The following STK17A variants were observed in gnomAD, a reference collection of about 807,000 sequenced individuals.
STK17A encodes the protein serine/threonine kinase 17a.
Under a neutral mutation model 43.7 loss-of-function variants are expected in STK17A, and 26 were observed. The ratio of observed to expected loss-of-function variants is 0.60; its 90% CI spans 0.44 to 0.83. The LOEUF (loss-of-function observed/expected upper bound fraction) is 0.83. Ranked by LOEUF, STK17A falls within the 40% of genes least tolerant of loss-of-function variation. The pLI is 0.00. For missense variants in STK17A, 476 were observed against 511.6 expected (o/e 0.93, Z 0.67); for synonymous variants, 191 against 182.5 (o/e 1.05, Z -0.38).
intron 4 of STK17A, chr7:43,622,800 A>C (rs1323789888): frequency 1.3e-5 from 2 of 151,972 alleles, no homozygotes; most frequent in East Asian, 3.9e-4. Flanking sequence ...TCCCAGACTC[A>C]AGTGATCCTC....
intron 2 of STK17A, 101 bp from the exon 3 acceptor site, chr7:43,608,155 A>T: frequency 8.6e-7 from 1 of 1,159,898 alleles, no homozygotes. Flanking sequence ...AAAAAGGTAT[A>T]CAGTTACTGC....
intron 4 of STK17A, among the ~76,000 whole-genome samples, chr7:43,621,690 ATTTG>A (rs1197362051): frequency 6.6e-6 from 1 of 152,018 alleles, no homozygotes; most frequent in Non-Finnish European, 1.5e-5. Flanking sequence ...CAGGCTAGTG[ATTTG>A]TTTTAGAGCT....
At chr7:43,616,722 C>T (rs996614196) in intron 3 of STK17A, among the ~76,000 whole-genome samples, 2 of 152,096 alleles carry the variant, frequency 1.3e-5, no homozygotes, top group African/African-American at 4.8e-5. Context: ...ACGGTGAAAC[C>T]CCGTCTCTAC....
At chr7:43,598,461 C>T (rs2082534840) in intron 2 of STK17A, among the ~76,000 whole-genome samples, 1 of 138,468 alleles carries the variant, frequency 7.2e-6, no homozygotes, top group Non-Finnish European at 1.6e-5. Flanking sequence ...CACAGCAAGA[C>T]TCCGTCTCAA....
intron 2 of STK17A, among the ~76,000 whole-genome samples, chr7:43,603,513 T>G (rs569584077): frequency 6.6e-6 from 1 of 152,178 alleles, no homozygotes. Context: ...GAAATAGATA[T>G]GGAGGTTGAA....
intron 2 of STK17A, among the ~76,000 whole-genome samples, chr7:43,598,374 G>A (rs538194587): frequency 6.0e-5 from 9 of 151,094 alleles, no homozygotes; most frequent in Admixed American, 1.3e-4. Context: ...GGAGGCTGAC[G>A]CAGGAGAATG....
chr7:43,593,385 A>C (rs2082492727), intron 1 of STK17A, among the ~76,000 whole-genome samples: 1 of 152,180 alleles, frequency 6.6e-6, no homozygotes, highest in Admixed American at 6.5e-5. Context: ...TCATACAATA[A>C]TTTCTTTTCC....
intron 3 of STK17A, chr7:43,609,015 G>C (rs2082658283): frequency 6.6e-6 from 1 of 152,302 alleles, no homozygotes; most frequent in Non-Finnish European, 1.5e-5. Context: ...CAGTATATCA[G>C]TTATGTTCCT....
intron 2 of STK17A, among the ~76,000 whole-genome samples, chr7:43,602,850 G>A (rs1045120801): frequency 1.3e-5 from 2 of 152,078 alleles, no homozygotes; most frequent in Admixed American, 6.6e-5. Flanking sequence ...GCGTATTCCT[G>A]TGTCCAACTG....
At chr7:43,596,238 C>T in intron 2 of STK17A, 125 bp downstream of exon 2, 1 of 797,788 alleles carries the variant, frequency 1.3e-6, no homozygotes, top group Non-Finnish European at 1.8e-6. Context: ...TCTAGATCAT[C>T]TTCAGGTGTT....
intron 1 of STK17A, among the ~76,000 whole-genome samples, chr7:43,594,812 G>A (rs576200009): frequency 3.4e-5 from 5 of 149,158 alleles, no homozygotes; most frequent in Non-Finnish European, 7.4e-5. Flanking sequence ...TTTAATCCTA[G>A]CAGGATCACT....
At chr7:43,620,698 A>C (rs763997900) in intron 4 of STK17A, among the ~76,000 whole-genome samples, 7 of 152,014 alleles carry the variant, frequency 4.6e-5, no homozygotes, top group Non-Finnish European at 1.0e-4. Context: ...GAATATTAAT[A>C]TTTAAAATTT....
intron 3 of STK17A, among the ~76,000 whole-genome samples, chr7:43,618,512 G>A (rs2083556305): frequency 6.6e-6 from 1 of 152,182 alleles, no homozygotes; most frequent in Non-Finnish European, 1.5e-5. Context: ...GGGTGTTAGA[G>A]TGAAGTATTT....
intron 1 of STK17A, among the ~76,000 whole-genome samples, chr7:43,590,142 C>T (rs1006001784): frequency 8.0e-5 from 12 of 150,766 alleles, no homozygotes; most frequent in African/African-American, 2.2e-4. Flanking sequence ...GACAAGATTT[C>T]GCCACGTTGC....
At chr7:43,620,683 A>AAT (rs1385833516) in intron 4 of STK17A, among the ~76,000 whole-genome samples, 1 of 151,984 alleles carries the variant, frequency 6.6e-6, no homozygotes, top group African/African-American at 2.4e-5. Context: ...CAAAAAAAAA[A>AAT]AAAAGAATAT....
At chr7:43,598,237 G>C (rs1390950999) in intron 2 of STK17A, among the ~76,000 whole-genome samples, 1 of 152,054 alleles carries the variant, frequency 6.6e-6, no homozygotes, top group Admixed American at 6.6e-5. Flanking sequence ...ATGGGAGGCC[G>C]AGGCAGGTGG....
At chr7:43,608,223 GTT>G in intron 2 of STK17A, 31 bp from the exon 3 acceptor site, 1 of 1,592,864 alleles carries the variant, frequency 6.3e-7, no homozygotes, top group African/African-American at 1.4e-5. Flanking sequence ...TTTCTTATGA[GTT>G]ATATATTACT....
chr7:43,624,745 A>G lies in STK17A; in HGVS notation c.1148A>G (p.Gln383Arg). 1.9e-6 allele frequency: 3 copies of G among 1,613,928 alleles called. No individual in the cohort carries two copies. The highest frequency in any genetic ancestry group is 2.5e-6 in the Non-Finnish European group (3 of 1,179,864). The change falls in exon 7 of 7, where the codon CAG becomes CGG. Residue 383 changes from glutamine (Q) to arginine (R), a missense_variant. Around this residue, in one of 3 missense-constraint regions of STK17A, gnomAD observed 110 missense variants for 103.7 expected, o/e 1.06. Coordinates refer to ENST00000319357, the MANE Select transcript of STK17A (RefSeq NM_004760.3). ...VTSYTLGQCR[Q>R]SEKEKMEQKA... Reference sequence around the variant, plus strand: ...TCATATACTCTAGGACAATGCAGACAGTCTGAAAAAGAGAAAATGGAGCAA... The same window carrying G: ...TCATATACTCTAGGACAATGCAGACGGTCTGAAAAAGAGAAAATGGAGCAA...
intron 1 of STK17A, among the ~76,000 whole-genome samples, chr7:43,595,237 G>T (rs1025543367): frequency 6.7e-6 from 1 of 149,894 alleles, no homozygotes; most frequent in African/African-American, 2.4e-5. Context: ...AGGGATTCTG[G>T]TGACCAATTT....
Sources: allele counts gnomAD v4.1 joint callset (sites outside exome capture counted in the v4.1 genomes callset), GRCh38; gene constraint gnomAD v4.1.1; regional missense constraint gnomAD v4.1.1; transcripts MANE v1.5; gene names NCBI Gene and HGNC (gene_info 2026-07-23, HGNC 2026-07-21).